The following EXOC2 variants were observed in gnomAD, a reference collection of about 807,000 sequenced individuals.
EXOC2 encodes exocyst complex component 2, also known as SEC5-like 1.
In EXOC2, 70 loss-of-function variants were observed where a neutral mutation model predicts 131.8. That is an observed-to-expected ratio of 0.53 (90% confidence interval 0.44 to 0.65). The LOEUF (loss-of-function observed/expected upper bound fraction) is 0.65, where lower values mean the gene tolerates loss of function less well. Among genes scored for constraint, EXOC2 ranks in the 30% least tolerant of loss-of-function variants. The pLI is 0.00. For missense variants in EXOC2, 923 were observed against 1,108.6 expected (o/e 0.83, Z 2.38); for synonymous variants, 411 against 398.4 (o/e 1.03, Z -0.38).
At chr6:656,153 C>A in intron 1 of EXOC2, 1 of 1,613,860 alleles carries the variant, frequency 6.2e-7, no homozygotes, top group South Asian at 1.1e-5. Flanking sequence ...CTTCTTGAAC[C>A]AAAACAAGCT....
At chr6:617,171 A>C (rs980134786) in intron 6 of EXOC2, among the ~76,000 whole-genome samples, 5 of 152,216 alleles carry the variant, frequency 3.3e-5, no homozygotes, top group Non-Finnish European at 5.9e-5. Context: ...TCATTAATTA[A>C]AAGCAGTTTT....
intron 17 of EXOC2, among the ~76,000 whole-genome samples, chr6:557,688 G>A (rs1328162079): frequency 6.6e-6 from 1 of 151,656 alleles, no homozygotes; most frequent in Non-Finnish European, 1.5e-5. Flanking sequence ...GCTGTAAATA[G>A]GATGGTCATA....
At chr6:636,616 CA>C in intron 2 of EXOC2, among the ~76,000 whole-genome samples, 1 of 152,188 alleles carries the variant, frequency 6.6e-6, no homozygotes, top group Non-Finnish European at 1.5e-5. Context: ...GCAGGAAAAG[CA>C]AGTTCCAATT....
intron 11 of EXOC2, 129 bp from the exon 12 acceptor site, chr6:577,011 T>C: frequency 1.4e-6 from 1 of 733,442 alleles, no homozygotes. Context: ...AAGGCATTTA[T>C]TAAATAAAAT....
At chr6:626,598 C>CT (rs909566041) in intron 4 of EXOC2, among the ~76,000 whole-genome samples, 49 of 147,120 alleles carry the variant, frequency 3.3e-4, no homozygotes, top group East Asian at 9.9e-4. Flanking sequence ...TTCTTCAAAC[C>CT]TTTTTTTTTT....
At chr6:495,180 C>T (rs1229035979) in intron 25 of EXOC2, among the ~76,000 whole-genome samples, 1 of 141,998 alleles carries the variant, frequency 7.0e-6, no homozygotes, top group Admixed American at 7.5e-5. Flanking sequence ...GGCCAGACTG[C>T]AGTGGTGCGA....
chr6:651,325 G>A lies in EXOC2; in HGVS notation c.-43-13464C>T, dbSNP rs896838433. Among the ~76,000 whole-genome samples, 6 of 152,012 alleles carry A rather than the reference G, an allele frequency of 3.9e-5. No homozygotes were observed. The South Asian group carries it at 8.3e-4, about 21-fold the overall frequency. ...TGGGATTACAGGCGTGAGCCACCGC[G>A]CCCGGCCGTGTTCTCCATTTTTATC... is the stretch of plus-strand genomic sequence containing the variant. On this transcript the variant is annotated intron_variant, in intron 1 of 27. Transcript: ENST00000230449.
Position 491,184 on chromosome 6 carries a change from CG to C in EXOC2, c.2561del (p.Ala854GlyfsTer8). The C allele has an allele frequency of 6.2e-7, 1 of 1,614,086 alleles. No individual in the cohort carries two copies. The highest frequency in any genetic ancestry group is 8.5e-7 in the Non-Finnish European group (1 of 1,180,000). ...SSFSKNGALQ[A>X]RLEICALRDT... Reference sequence around the variant, plus strand: ...CCCTCAAAGCACAGATTTCAAGTCTCGCCTGAAAATGAGAAAAAGACAAAGT... The same window carrying C: ...CCCTCAAAGCACAGATTTCAAGTCTCCCTGAAAATGAGAAAAAGACAAAGT... On this transcript the variant is annotated frameshift_variant and splice_region_variant, in exon 26 of 28. Transcript: ENST00000230449. LOFTEE classifies it high-confidence loss of function.
In EXOC2 at chr6:562,789, A is replaced by G. The variant is rs772505264; in HGVS notation, c.1846T>C (p.Ser616Pro). 6.3e-7 allele frequency: 1 copy of G among 1,590,438 alleles called. No individual in the cohort carries two copies. The highest frequency in any genetic ancestry group is 1.2e-5 in the South Asian group (1 of 84,372). The change falls in exon 17 of 28, where the codon TCT (serine) becomes CCT (proline). Residue 616 changes from serine (S) to proline (P), a missense_variant. Physicochemically the swap from Ser to Pro is moderately conservative, Grantham distance 74. Coordinates refer to ENST00000230449, the MANE Select transcript of EXOC2 (RefSeq NM_018303.6). ...DWIVDNEGLT[S>P]LPCQFEQCIV... Reference sequence around the variant, plus strand: ...TGAAAAGAACTTAAACTTACTAGAGAAGTCAGTCCTTCATTGTCAACAATC... The same window carrying G: ...TGAAAAGAACTTAAACTTACTAGAGGAGTCAGTCCTTCATTGTCAACAATC...
chr6:514,201 G>T (rs1269465229), intron 23 of EXOC2, among the ~76,000 whole-genome samples: 1 of 152,176 alleles, frequency 6.6e-6, no homozygotes, highest in East Asian at 1.9e-4. Context: ...CTTAGGAAAT[G>T]TTCAAGTTGT....
chr6:570,641 T>G (rs902709354), intron 13 of EXOC2, among the ~76,000 whole-genome samples: 13 of 152,252 alleles, frequency 8.5e-5, no homozygotes, highest in African/African-American at 2.7e-4. Context: ...CTTACTTATC[T>G]GTCAGACATT....
intron 23 of EXOC2, among the ~76,000 whole-genome samples, chr6:510,476 C>T (rs1193104357): frequency 1.3e-5 from 2 of 152,032 alleles, no homozygotes; most frequent in Non-Finnish European, 2.9e-5. Flanking sequence ...GAAAACATTG[C>T]CAACAGTGAA....
At chr6:655,967 T>C in intron 1 of EXOC2, 1 of 627,812 alleles carries the variant, frequency 1.6e-6, no homozygotes, top group Non-Finnish European at 2.8e-6. Flanking sequence ...ATATAAATTT[T>C]GCAAAGGAGG....
chr6:542,682 C>T (rs1012031617), intron 22 of EXOC2, among the ~76,000 whole-genome samples: 1 of 152,186 alleles, frequency 6.6e-6, no homozygotes, highest in Admixed American at 6.5e-5. Context: ...GAGAGTACAA[C>T]ACAAGCTACA....
chr6:512,390 A>G (rs533325277), intron 23 of EXOC2, among the ~76,000 whole-genome samples: 1 of 152,282 alleles, frequency 6.6e-6, no homozygotes, highest in South Asian at 2.1e-4. Flanking sequence ...ATCCACTTCC[A>G]CTTCATGAGT....
chr6:623,811 T>C (rs1011095220), intron 4 of EXOC2, among the ~76,000 whole-genome samples: 9 of 152,198 alleles, frequency 5.9e-5, no homozygotes, highest in African/African-American at 2.2e-4. Context: ...AAGGTCTCCA[T>C]ACTTTCAAGA....
chr6:657,461 T>C (rs1383415332), intron 1 of EXOC2, among the ~76,000 whole-genome samples: 2 of 152,210 alleles, frequency 1.3e-5, no homozygotes, highest in African/African-American at 2.4e-5. Flanking sequence ...GTGAAACAAA[T>C]CTACACCATC....
chr6:522,309 C>G (rs977632788), intron 23 of EXOC2, among the ~76,000 whole-genome samples: 1 of 149,114 alleles, frequency 6.7e-6, no homozygotes, highest in Non-Finnish European at 1.5e-5. Context: ...TTGAGCTGGG[C>G]TGGGCACAGG....
chr6:488,290 T>C (rs776685598), intron 27 of EXOC2, among the ~76,000 whole-genome samples: 9 of 152,146 alleles, frequency 5.9e-5, no homozygotes, highest in South Asian at 2.1e-4. Flanking sequence ...GTGCACCACA[T>C]GTGCCTGTCT....
Sources: gnomAD v4.1 joint callset for allele counts (sites outside exome capture counted in the v4.1 genomes callset) on GRCh38, gnomAD v4.1.1 for gene constraint, MANE v1.5 for transcripts, NCBI Gene and HGNC (gene_info 2026-07-23, HGNC 2026-07-21) for gene names.